The following PPRC1 variants were observed in gnomAD, a reference collection of about 807,000 sequenced individuals.
PPRC1 encodes PPARG related coactivator 1.
Under a neutral mutation model 132.5 loss-of-function variants are expected in PPRC1, and 23 were observed. The observed-to-expected ratio is 0.17, with a 90% confidence interval of 0.12 to 0.25. The LOEUF (loss-of-function observed/expected upper bound fraction) is 0.25. Ranked by LOEUF, PPRC1 falls within the 10% of genes least tolerant of loss-of-function variation. PPRC1 has a pLI of 1.00. For synonymous variants in PPRC1, 872 were observed against 833.5 expected (o/e 1.05, Z -0.80); for missense variants, 2,006 against 2,089.1 (o/e 0.96, Z 0.78).
At position 102,141,432 on chromosome 10, in the gene PPRC1, C is replaced by A. The variant is rs2133658249; in HGVS notation, c.2924C>A (p.Ser975Tyr). 1 of 1,613,978 alleles carries A rather than the reference C, an allele frequency of 6.2e-7. No individual in the cohort carries two copies. The change falls in exon 5 of 14, where the codon TCC becomes TAC. Residue 975 changes from serine (S) to tyrosine (Y), a missense_variant. Around this residue, in one of 2 missense-constraint regions of PPRC1, gnomAD observed 1,914 missense variants for 1,917.2 expected, o/e 1.00. Coordinates refer to ENST00000278070, the MANE Select transcript of PPRC1 (RefSeq NM_015062.5). ...CCTGCCCCAGTCTCACCTTACAGTT[C>A]CACATGTACCTATGGGCCCTTGGGA... ...PPPAPVSPYS[S>Y]TCTYGPLGWG... is the part of the protein sequence containing the mutation.
At position 102,148,812 on chromosome 10, in the gene PPRC1, CAT is replaced by C; in HGVS notation, c.4618-3_4618-2del. ...GTGTTGATTTTTTTTCATTTCCAAA[CAT>C]AGGAAGAAAGAAGGGTGGTCTTCAT... On this transcript the variant is annotated splice_polypyrimidine_tract_variant and splice_region_variant and intron_variant, in intron 11 of 13. Coordinates refer to ENST00000278070, the MANE Select transcript of PPRC1 (RefSeq NM_015062.5). The surrounding 1 kb of genome is among the most constrained non-coding windows in gnomAD (Gnocchi z 4.2). The C allele has an allele frequency of 1.2e-6, 2 of 1,614,002 alleles. No homozygotes were observed. The highest frequency in any genetic ancestry group is 1.7e-6 in the Non-Finnish European group (2 of 1,179,998).
In PPRC1 at chr10:102,140,414, C is replaced by T; in HGVS notation, c.1906C>T (p.Leu636=). The T allele has an allele frequency of 6.2e-7, 1 of 1,614,216 alleles. No homozygotes were observed. The highest frequency in any genetic ancestry group is 1.7e-5 in the Admixed American group (1 of 60,026). ...PAEPVLINPV[L]ADSAAVDPAV... ...TGAGCCAGTGCTGATCAACCCAGTC[C>T]TGGCTGACTCAGCAGCAGTTGACCC... The change falls in exon 5 of 14, where the codon CTG becomes TTG. Residue 636 remains leucine (L), a synonymous_variant. Coordinates refer to ENST00000278070, the MANE Select transcript of PPRC1 (RefSeq NM_015062.5).
upstream of PPRC1, among the ~76,000 whole-genome samples, chr10:102,129,607 T>A (rs1021576784): frequency 1.3e-5 from 2 of 152,122 alleles, no homozygotes; most frequent in African/African-American, 4.8e-5. Flanking sequence ...TAATTTTTAT[T>A]TACTTATTTA....
At chr10:102,149,593 G>T (rs1171424462) in intron 13 of PPRC1, among the ~76,000 whole-genome samples, 1 of 152,076 alleles carries the variant, frequency 6.6e-6, no homozygotes, top group African/African-American at 2.4e-5. Flanking sequence ...TTAGCTAGAG[G>T]TGGTGGCACG....
In PPRC1 at chr10:102,134,014, G is replaced by A. The variant is rs139669823; in HGVS notation, c.153+793G>A. Among the ~76,000 whole-genome samples the A allele has an allele frequency of 5.2e-3, 787 of 152,164 alleles. 9 individuals carry two copies. The highest frequency in any genetic ancestry group is 0.018 in the African/African-American group (765 of 41,496). ...ATGGGGAGGGTAGAGGGCTGAGGCT[G>A]AAGGGTTGTGGAGGAGTGAGTTTGT... On this transcript the variant is annotated intron_variant, in intron 1 of 13. Transcript: ENST00000278070.
At position 102,141,137 on chromosome 10, in the gene PPRC1, G is replaced by A. The variant is rs2068955404; in HGVS notation, c.2629G>A (p.Ala877Thr). The change falls in exon 5 of 14, where the codon GCT becomes ACT. Residue 877 changes from alanine to threonine, a missense_variant. Ala to Thr is a moderately conservative substitution (Grantham distance 58). Coordinates refer to ENST00000278070, the MANE Select transcript of PPRC1 (RefSeq NM_015062.5). ...PAVPTPPSMSAALPFPAGGLG... is the reference protein window; with the variant it reads ...PAVPTPPSMSTALPFPAGGLG... ...TGTGCCCACACCTCCCTCGATGTCT[G>A]CTGCCCTGCCTTTCCCTGCAGGTGG... 6.2e-7 allele frequency: 1 copy of A among 1,613,782 alleles called. No homozygotes were observed. The highest frequency in any genetic ancestry group is 1.7e-5 in the Admixed American group (1 of 59,984).
rs79834526 is a variant in PPRC1, at chr10:102,141,370, C to T, written c.2862C>T (p.Ala954=). The change falls in exon 5 of 14, where the codon GCC becomes GCT. Residue 954 remains alanine (A), a synonymous_variant. Transcript: ENST00000278070. ...PLVSGTPGAY[A]VPPTCSVPWA... ...TGTCTGGTACTCCTGGTGCCTATGC[C>T]GTGCCTCCCACTTGCAGTGTGCCTT... 1.8e-4 allele frequency: 291 copies of T among 1,614,120 alleles called. 1 individual carries two copies. The African/African-American group carries it at 3.3e-3, about 18-fold the overall frequency.
intron 9 of PPRC1, 50 bp downstream of exon 9, chr10:102,147,442 C>T (rs1564957681): frequency 6.5e-7 from 1 of 1,529,730 alleles, no homozygotes; most frequent in Non-Finnish European, 8.8e-7. Context: ...AGTTCACGTA[C>T]TTCTGTGGTT....
At chr10:102,131,295 C>T (rs1348955583), upstream of PPRC1, among the ~76,000 whole-genome samples, 3 of 151,564 alleles carry the variant, frequency 2.0e-5, no homozygotes, top group Middle Eastern at 3.5e-3. Flanking sequence ...CTTGAGAGAT[C>T]ACAGTGAGCT....
chr10:102,126,458 C>CTTTT, the PPRC1 span, among the ~76,000 whole-genome samples: 1 of 140,134 alleles, frequency 7.1e-6, no homozygotes, highest in African/African-American at 2.6e-5. Context: ...TGAACTATAA[C>CTTTT]TTTTTTTTTT....
chr10:102,133,327 G>A (rs1011725394), intron 1 of PPRC1, 106 bp downstream of exon 1: 6 of 1,027,734 alleles, frequency 5.8e-6, no homozygotes, highest in Non-Finnish European at 7.5e-6. Context: ...AGTCGATGCC[G>A]GGTGGCCGCG....
the PPRC1 span, chr10:102,119,981 C>A: frequency 2.3e-6 from 2 of 876,222 alleles, no homozygotes; most frequent in Non-Finnish European, 3.2e-6. Context: ...CCGGCTTCCC[C>A]CATGCCATCG....
rs1214819186 is a variant in PPRC1 at position 102,137,975 on chromosome 10, CATGCAGAGCT to C, written c.281_290del (p.Met94ThrfsTer35). On this transcript the variant is annotated frameshift_variant, in exon 2 of 14. Coordinates refer to ENST00000278070, the MANE Select transcript of PPRC1 (RefSeq NM_015062.5). LOFTEE classifies it high-confidence loss of function. ...TGCAGGATGAGACACTGCTGGGGACCATGCAGAGCTACATGGATGCCTCCCTTATCTCCCT... is the reference window on the plus strand; with the variant it reads ...TGCAGGATGAGACACTGCTGGGGACCACATGGATGCCTCCCTTATCTCCCT... 6.2e-7 allele frequency: 1 copy of C among 1,613,982 alleles called. No individual in the cohort carries two copies. Among genetic ancestry groups the C allele is most frequent in the Admixed American group, 1.7e-5 (1 of 59,970 alleles).
Position 102,139,475 on chromosome 10 carries a change from C to A in PPRC1, c.967C>A (p.Leu323Met). ...HPYCLPNLTH[L>M]ASLEDELQEQ... Reference sequence around the variant, plus strand: ...ATACTGCCTGCCCAACCTCACCCACCTGGCATCACTTGAGGATGAGCTTCA... The same window carrying A: ...ATACTGCCTGCCCAACCTCACCCACATGGCATCACTTGAGGATGAGCTTCA... Residue 323 changes from leucine (L) to methionine (M), a missense_variant, in exon 5 of 14, where the codon CTG (leucine) becomes ATG (methionine). By Grantham distance (15) the Leu-to-Met change is conservative. Coordinates refer to ENST00000278070, the MANE Select transcript of PPRC1 (RefSeq NM_015062.5). The A allele has an allele frequency of 6.2e-7, 1 of 1,614,060 alleles. No homozygotes were observed. The highest frequency in any genetic ancestry group is 8.5e-7 in the Non-Finnish European group (1 of 1,179,888).
intron 8 of PPRC1, among the ~76,000 whole-genome samples, chr10:102,145,529 C>T (rs943807586): frequency 6.7e-6 from 1 of 149,804 alleles, no homozygotes. Context: ...TGAGATCGTG[C>T]CACTGCACTC....
At position 102,144,506 on chromosome 10, in the gene PPRC1, A is replaced by T. The variant is rs543676470; in HGVS notation, c.3608+199A>T. 1,334 of 595,894 alleles carry T rather than the reference A, an allele frequency of 2.2e-3. 26 individuals are homozygous for T. The highest frequency in any genetic ancestry group is 0.021 in the South Asian group (1,053 of 49,596). 36.9% of individuals were successfully genotyped at this position (595,894 alleles called of 1,614,324 possible). A position where few individuals can be genotyped will look rare whatever the true frequency, so the allele number is the denominator to read the frequency against. On this transcript the variant is annotated intron_variant, in intron 7 of 13. Coordinates refer to ENST00000278070, the MANE Select transcript of PPRC1 (RefSeq NM_015062.5). ...GGTGAGGTGAGAACGGGGCATGTTCACTGCCCTCCAGCTGATTCCAGTCGG... is the reference window on the plus strand; with the variant it reads ...GGTGAGGTGAGAACGGGGCATGTTCTCTGCCCTCCAGCTGATTCCAGTCGG...
chr10:102,126,337 C>G, the PPRC1 span, among the ~76,000 whole-genome samples: 1 of 74,962 alleles, frequency 1.3e-5, no homozygotes, highest in African/African-American at 4.3e-5. Flanking sequence ...GTGAGACTGA[C>G]TCAAAAGAAA....
At chr10:102,123,833 C>CTTTT in the PPRC1 span, among the ~76,000 whole-genome samples, 62 of 68,294 alleles carry the variant, frequency 9.1e-4, 1 homozygote, top group Non-Finnish European at 1.3e-3. Flanking sequence ...CACGCCCGGC[C>CTTTT]TTTTTTTTTT....
the PPRC1 span, among the ~76,000 whole-genome samples, chr10:102,120,926 C>T: frequency 6.7e-6 from 1 of 149,752 alleles, no homozygotes; most frequent in African/African-American, 2.6e-5. Context: ...AGACGCCAGC[C>T]TTCTTCTGGA....
Sources: allele counts gnomAD v4.1 joint callset (sites outside exome capture counted in the v4.1 genomes callset), GRCh38; gene constraint gnomAD v4.1.1; regional missense constraint gnomAD v4.1.1; non-coding constraint Gnocchi (gnomAD v3.1); transcripts MANE v1.5; gene names NCBI Gene and HGNC (gene_info 2026-07-23, HGNC 2026-07-21).